Variants in PPP2R2A observed in about 807,000 individuals in gnomAD.
PPP2R2A encodes the protein protein phosphatase 2 regulatory subunit Balpha, also known as serine/threonine-protein phosphatase 2A 55 kDa regulatory subunit B alpha isoform.
In PPP2R2A, 9 loss-of-function variants were observed where a neutral mutation model predicts 53.2. That is an observed-to-expected ratio of 0.17 (90% CI 0.10 to 0.30). The LOEUF (loss-of-function observed/expected upper bound fraction) is 0.30, where lower values mean the gene tolerates loss of function less well. Among genes scored for constraint, PPP2R2A ranks in the 10% least tolerant of loss-of-function variants. The pLI, the probability that PPP2R2A is intolerant of heterozygous loss-of-function variation, is 1.00. For synonymous variants in PPP2R2A, 169 were observed against 174.2 expected, an observed-to-expected ratio of 0.97 and a Z score of 0.23; for missense variants, 235 against 534.6, an observed-to-expected ratio of 0.44 and a Z score of 5.53.
At chr8:26,361,235 T>C (rs774972825) in intron 6 of PPP2R2A, 84 bp downstream of exon 6, 3 of 1,388,770 alleles carry the variant, frequency 2.2e-6, no homozygotes, top group Admixed American at 2.6e-5. Context: ...CTAATGAATT[T>C]GGTTGCTTTT....
rs3070132 is a variant in PPP2R2A, at chr8:26,332,363, C to CAAA, written c.83-6512_83-6510dup. Among the ~76,000 whole-genome samples, 578 of 90,972 alleles carry CAAA rather than the reference C, an allele frequency of 6.4e-3. 4 individuals are homozygous for CAAA. The highest frequency in any genetic ancestry group is 0.022 in the African/African-American group (549 of 25,306). The allele number at this position is 90,972 out of a possible 152,430, so 59.7% of individuals were successfully genotyped here. On this transcript the variant is annotated intron_variant, in intron 2 of 9. Transcript: ENST00000380737. ...GTGACAGAGCAAGACTCTTTTGTCT[C>CAAA]AAAAAAAAAAAAAAAAAGAAGAAGA...
At chr8:26,341,875 C>T (rs1585381594) in intron 3 of PPP2R2A, among the ~76,000 whole-genome samples, 1 of 152,302 alleles carries the variant, frequency 6.6e-6, no homozygotes, top group African/African-American at 2.4e-5. Flanking sequence ...CAGACTTTGA[C>T]ATCTGTAACC....
intron 2 of PPP2R2A, among the ~76,000 whole-genome samples, chr8:26,327,559 C>T (rs954054931): frequency 6.6e-6 from 1 of 152,164 alleles, no homozygotes; most frequent in Non-Finnish European, 1.5e-5. Flanking sequence ...GAGGAATGTC[C>T]TGCCCTTTGG....
intron 2 of PPP2R2A, among the ~76,000 whole-genome samples, chr8:26,308,746 T>C (rs1027912905): frequency 1.3e-5 from 2 of 152,244 alleles, no homozygotes; most frequent in Non-Finnish European, 2.9e-5. Context: ...CCATGAATCA[T>C]GGATGTTCTT....
rs1298240798 is a variant in PPP2R2A, at chr8:26,341,783, A to G, written c.180+2796A>G. On this transcript the variant is annotated intron_variant, in intron 3 of 9. Coordinates refer to ENST00000380737, the MANE Select transcript of PPP2R2A (RefSeq NM_002717.4). ...TTAAACTTGACTTTACTGGAGACCA[A>G]AATATCTCCACCCACTCATTTTTAT... Among the ~76,000 whole-genome samples the G allele has an allele frequency of 3.3e-5, 5 of 152,306 alleles. No individual in the cohort carries two copies. In the East Asian group the frequency reaches 7.7e-4, roughly 23 times the overall value.
At chr8:26,344,098 A>G (rs1004540865) in intron 3 of PPP2R2A, among the ~76,000 whole-genome samples, 3 of 152,190 alleles carry the variant, frequency 2.0e-5, no homozygotes, top group African/African-American at 4.8e-5. Flanking sequence ...TGCAGAAGCC[A>G]CACATCCTGA....
At chr8:26,366,802 A>G (rs1805402571) in intron 9 of PPP2R2A, among the ~76,000 whole-genome samples, 1 of 152,166 alleles carries the variant, frequency 6.6e-6, no homozygotes, top group Non-Finnish European at 1.5e-5. Flanking sequence ...TTAACACCTC[A>G]TAGAAGTGGT....
intron 9 of PPP2R2A, among the ~76,000 whole-genome samples, chr8:26,369,751 A>C (rs557975180): frequency 6.6e-6 from 1 of 152,346 alleles, no homozygotes; most frequent in Non-Finnish European, 1.5e-5. Context: ...CAGCTACTTC[A>C]TGCGGGGTTC....
intron 6 of PPP2R2A, among the ~76,000 whole-genome samples, chr8:26,361,520 C>G (rs184550643): frequency 6.6e-6 from 1 of 151,982 alleles, no homozygotes; most frequent in Non-Finnish European, 1.5e-5. Flanking sequence ...GTGGGAAGAT[C>G]ACTTGAGGCC....
At position 26,372,304 on chromosome 8, in the gene PPP2R2A, C is replaced by G. The variant is rs1384729334; in HGVS notation, c.*1891C>G. 3 of 152,192 alleles carry G rather than the reference C, an allele frequency of 2.0e-5. No homozygotes were observed. The highest frequency in any genetic ancestry group is 4.4e-5 in the Non-Finnish European group (3 of 68,038). The allele number at this position is 152,192 out of a possible 1,614,324, so 9.4% of individuals were successfully genotyped here. Reference sequence around the variant, plus strand: ...CTTGACTTGCAAGTGGGATATTCCCCTGCCACAAGTGTCAAACAGTGATAT... The same window carrying G: ...CTTGACTTGCAAGTGGGATATTCCCGTGCCACAAGTGTCAAACAGTGATAT... On this transcript the variant is annotated 3_prime_UTR_variant, in exon 10 of 10. Transcript: ENST00000380737.
chr8:26,293,524 C>T, intron 1 of PPP2R2A, 142 bp from the exon 2 acceptor site: 1 of 804,288 alleles, frequency 1.2e-6, no homozygotes, highest in African/African-American at 1.7e-5. Context: ...AACCTCTTTC[C>T]AAACTGGTGC....
At chr8:26,345,508 G>A (rs551687726) in intron 3 of PPP2R2A, among the ~76,000 whole-genome samples, 19 of 152,008 alleles carry the variant, frequency 1.2e-4, no homozygotes, top group Middle Eastern at 3.4e-3. Context: ...ATAAATTTAG[G>A]GTTGTATGAT....
rs1286130399 is a variant in PPP2R2A, at chr8:26,371,289, G to C, written c.*876G>C. 1 of 149,330 alleles carries C rather than the reference G, an allele frequency of 6.7e-6. No individual in the cohort carries two copies. Among genetic ancestry groups the C allele is most frequent in the Non-Finnish European group, 1.5e-5 (1 of 67,582 alleles). 9.3% of individuals were successfully genotyped at this position (149,330 alleles called of 1,614,324 possible). A position where few individuals can be genotyped will look rare whatever the true frequency, so the allele number is the denominator to read the frequency against. On this transcript the variant is annotated 3_prime_UTR_variant, in exon 10 of 10. Transcript: ENST00000380737. ...TTTTACATGCAGGAGGAGAGGTATT[G>C]GTTCTCTATGAACATATTTTGAATA...
At chr8:26,330,789 A>G (rs886173084) in intron 2 of PPP2R2A, among the ~76,000 whole-genome samples, 3 of 152,040 alleles carry the variant, frequency 2.0e-5, no homozygotes, top group African/African-American at 7.2e-5. Context: ...GTAATTTCGG[A>G]TTGGAAACCA....
intron 1 of PPP2R2A, chr8:26,292,171 C>G: frequency 8.4e-7 from 1 of 1,183,750 alleles, no homozygotes. Context: ...ACCTCCCCAC[C>G]TTGCCCCCCG....
In PPP2R2A at chr8:26,354,665, A is replaced by G; in HGVS notation, c.346+32A>G. 1 of 1,528,400 alleles carries G rather than the reference A, an allele frequency of 6.5e-7. No individual in the cohort carries two copies. 94.7% of individuals were successfully genotyped at this position (1,528,400 alleles called of 1,614,324 possible). ...ATACATATTTTCTTTCCATGTGCCC[A>G]CTGTGTGTACCTGTTGCACATATCC... On this transcript the variant is annotated intron_variant, in intron 4 of 9. Transcript: ENST00000380737. This position sits in a 1 kb window ranked among gnomAD's most constrained non-coding sequence, Gnocchi z 4.6.
Position 26,362,049 on chromosome 8 carries a change from AGATT to A in PPP2R2A, c.638-634_638-631del, listed in dbSNP as rs1805122681. ...TTAGATTAAGATTAATCTTAAGATT[AGATT>A]AAGATTAATTTTAAGATTAGAAAAA... On this transcript the variant is annotated intron_variant, in intron 6 of 9. Transcript: ENST00000380737. The surrounding 1 kb of genome is among the most constrained non-coding windows in gnomAD (Gnocchi z 4.4). Among the ~76,000 whole-genome samples the A allele has an allele frequency of 6.7e-6, 1 of 149,984 alleles. No individual in the cohort carries two copies. The highest frequency in any genetic ancestry group is 1.5e-5 in the Non-Finnish European group (1 of 67,568).
intron 4 of PPP2R2A, among the ~76,000 whole-genome samples, chr8:26,359,523 A>G (rs1804966581): frequency 6.6e-6 from 1 of 152,202 alleles, no homozygotes; most frequent in Non-Finnish European, 1.5e-5. Context: ...AACAGATGCC[A>G]TTTTATATAT....
intron 2 of PPP2R2A, among the ~76,000 whole-genome samples, chr8:26,303,408 A>G (rs1221483693): frequency 1.3e-5 from 2 of 152,178 alleles, no homozygotes; most frequent in African/African-American, 4.8e-5. Context: ...CTGCCTCGTC[A>G]TTAGAAGTGA....
Sources: allele counts gnomAD v4.1 joint callset (sites outside exome capture counted in the v4.1 genomes callset), GRCh38; gene constraint gnomAD v4.1.1; non-coding constraint Gnocchi (gnomAD v3.1); transcripts MANE v1.5; gene names NCBI Gene and HGNC (gene_info 2026-07-23, HGNC 2026-07-21).